Variants in DPP10 observed in about 807,000 individuals in gnomAD.
DPP10 encodes the protein inactive dipeptidyl peptidase 10.
In DPP10, 33 loss-of-function variants were observed where a neutral mutation model predicts 120.9. The ratio of observed to expected loss-of-function variants is 0.27; its 90% CI spans 0.21 to 0.37. DPP10 has a LOEUF of 0.37. Among genes scored for constraint, DPP10 ranks in the 10% least tolerant of loss-of-function variants. The pLI, the probability that DPP10 is intolerant of heterozygous loss-of-function variation, is 1.00. For synonymous variants in DPP10, 337 were observed against 326.1 expected, an observed-to-expected ratio of 1.03 and a Z score of -0.36; for missense variants, 816 against 942.8, an observed-to-expected ratio of 0.87 and a Z score of 1.76.
chr2:114,889,140 T>A lies in DPP10; in HGVS notation c.61-420099T>A, dbSNP rs80298854. Among the ~76,000 whole-genome samples the A allele has an allele frequency of 7.1e-3, 1,077 of 152,258 alleles. 13 individuals carry two copies. The highest frequency in any genetic ancestry group is 0.025 in the African/African-American group (1,038 of 41,552). On this transcript the variant is annotated intron_variant, in intron 1 of 25. Coordinates refer to ENST00000410059, the MANE Select transcript of DPP10 (RefSeq NM_020868.6). ...GGAGAGAGGCTGCAGAAGAGCTACA[T>A]CCCTGACAACAACCTGCTCTAGGAC...
At chr2:115,309,626 T>TA (rs986240445) in intron 2 of DPP10, among the ~76,000 whole-genome samples, 1 of 152,108 alleles carries the variant, frequency 6.6e-6, no homozygotes, top group Non-Finnish European at 1.5e-5. Flanking sequence ...CTTACAGACT[T>TA]ACTATGTGTT....
intron 1 of DPP10, among the ~76,000 whole-genome samples, chr2:114,964,147 T>C (rs894068401): frequency 6.6e-6 from 1 of 152,204 alleles, no homozygotes; most frequent in Admixed American, 6.5e-5. Context: ...ACAGAACACC[T>C]GTGAAGATTA....
chr2:115,522,050 A>G (rs991629916), intron 4 of DPP10, among the ~76,000 whole-genome samples: 1 of 152,188 alleles, frequency 6.6e-6, no homozygotes, highest in African/African-American at 2.4e-5. Context: ...GCCCCCAAGT[A>G]TATTTAGGAT....
At chr2:115,622,829 C>CTTTTTT (rs765780452) in intron 5 of DPP10, among the ~76,000 whole-genome samples, 30 of 128,358 alleles carry the variant, frequency 2.3e-4, no homozygotes, top group Non-Finnish European at 3.0e-4. Context: ...TTCGTTTATT[C>CTTTTTT]TTTTTTTTTT....
rs563617175 is a variant in DPP10, at chr2:115,513,951, AAAGTAACAAATGCTCTC to A, written c.367-11945_367-11929del. On this transcript the variant is annotated intron_variant, in intron 4 of 25. Transcript: ENST00000410059. ...TTAGTGTTTCCTTAGAGCGGGGCTA[AAAGTAACAAATGCTCTC>A]AGGTTTTGTTTATTTAGAAATGACA... Among the ~76,000 whole-genome samples, 194 of 152,154 alleles carry A rather than the reference AAAGTAACAAATGCTCTC, an allele frequency of 1.3e-3. 2 individuals are homozygous for A. Among genetic ancestry groups the A allele is most frequent in the African/African-American group, 4.6e-3 (191 of 41,580 alleles).
chr2:115,276,630 A>G (rs2059931313), intron 1 of DPP10, among the ~76,000 whole-genome samples: 1 of 152,168 alleles, frequency 6.6e-6, no homozygotes, highest in Non-Finnish European at 1.5e-5. Context: ...TGATGCTCTG[A>G]GGTACAGCCC....
chr2:114,876,542 A>G (rs1277600664), intron 1 of DPP10, among the ~76,000 whole-genome samples: 2 of 152,062 alleles, frequency 1.3e-5, no homozygotes, highest in Admixed American at 6.6e-5. Context: ...GAGAAAAATG[A>G]CGTATGCATA....
At chr2:114,516,591 A>G (rs1684613462) in intron 1 of DPP10, among the ~76,000 whole-genome samples, 1 of 152,236 alleles carries the variant, frequency 6.6e-6, no homozygotes, top group East Asian at 1.9e-4. Flanking sequence ...TTAGACTATT[A>G]TATCAGTGAT....
chr2:114,676,819 A>G (rs1049294494), intron 1 of DPP10, among the ~76,000 whole-genome samples: 6 of 152,078 alleles, frequency 3.9e-5, no homozygotes, highest in African/African-American at 1.4e-4. Flanking sequence ...ATCGTGTAGG[A>G]TAGATTCTTC....
chr2:115,073,409 C>T (rs1165065077), intron 1 of DPP10, among the ~76,000 whole-genome samples: 8 of 152,160 alleles, frequency 5.3e-5, no homozygotes, highest in East Asian at 1.9e-4. Flanking sequence ...TGTCGCTAGG[C>T]GCAGGGGGTG....
chr2:115,483,404 C>T (rs574109295), intron 3 of DPP10, among the ~76,000 whole-genome samples: 2 of 152,122 alleles, frequency 1.3e-5, no homozygotes, highest in African/African-American at 4.8e-5. Flanking sequence ...ACTCCTTCTT[C>T]GTTCTTTCAC....
chr2:115,006,675 A>G (rs1701868073), intron 1 of DPP10, among the ~76,000 whole-genome samples: 3 of 151,262 alleles, frequency 2.0e-5, no homozygotes. Context: ...TAACTATCCT[A>G]AATATATATG....
chr2:115,217,248 A>G (rs1043719617), intron 1 of DPP10, among the ~76,000 whole-genome samples: 1 of 152,172 alleles, frequency 6.6e-6, no homozygotes, highest in Non-Finnish European at 1.5e-5. Context: ...TTTAAATCTT[A>G]ATTTCTTCAT....
chr2:115,220,492 A>G (rs900292422), intron 1 of DPP10, among the ~76,000 whole-genome samples: 1 of 152,140 alleles, frequency 6.6e-6, no homozygotes, highest in East Asian at 1.9e-4. Flanking sequence ...TGGGAGGATT[A>G]CTTGAGGCCA....
rs181992430 is a variant in DPP10 at position 115,170,246 on chromosome 2, C to T, written c.61-138993C>T. On this transcript the variant is annotated intron_variant, in intron 1 of 25. Transcript: ENST00000410059. Reference sequence around the variant, plus strand: ...TTAATGTAAGTTAATCAATGCAAAACATGGCTCTTTTTTTTCACTTCACAT... The same window carrying T: ...TTAATGTAAGTTAATCAATGCAAAATATGGCTCTTTTTTTTCACTTCACAT... Among the ~76,000 whole-genome samples, 9 of 152,246 alleles carry T rather than the reference C, an allele frequency of 5.9e-5. No homozygotes were observed. In the East Asian group the frequency reaches 1.5e-3, roughly 26 times the overall value.
At chr2:115,681,849 T>C (rs1330105212) in intron 5 of DPP10, among the ~76,000 whole-genome samples, 1 of 151,342 alleles carries the variant, frequency 6.6e-6, no homozygotes. Flanking sequence ...CTTTTTCTTT[T>C]TTCTTGTAAA....
At chr2:115,706,492 A>G (rs1335553282) in intron 7 of DPP10, among the ~76,000 whole-genome samples, 1 of 151,942 alleles carries the variant, frequency 6.6e-6, no homozygotes. Flanking sequence ...TCTAATATAC[A>G]CAATGTATAC....
At chr2:114,785,354 G>A (rs1027571302) in intron 1 of DPP10, among the ~76,000 whole-genome samples, 1 of 151,804 alleles carries the variant, frequency 6.6e-6, no homozygotes, top group Non-Finnish European at 1.5e-5. Context: ...TCTGCCTGCT[G>A]TCACATAAGC....
At chr2:115,246,337 C>G (rs2058531923) in intron 1 of DPP10, among the ~76,000 whole-genome samples, 1 of 152,088 alleles carries the variant, frequency 6.6e-6, no homozygotes, top group African/African-American at 2.4e-5. Flanking sequence ...GAGCTTTCCA[C>G]CAATGGAATT....
Sources: allele counts gnomAD v4.1 joint callset (sites outside exome capture counted in the v4.1 genomes callset), GRCh38; gene constraint gnomAD v4.1.1; transcripts MANE v1.5; gene names NCBI Gene and HGNC (gene_info 2026-07-23, HGNC 2026-07-21).